KCNK2: variants seen among roughly 807,000 people sequenced by gnomAD.
KCNK2 encodes potassium channel subfamily K member 2.
Under a neutral mutation model 40.5 loss-of-function variants are expected in KCNK2, and 21 were observed. That is an observed-to-expected ratio of 0.52 (90% CI 0.37 to 0.75). The LOEUF is 0.75. Ranked by LOEUF, KCNK2 falls within the 30% of genes least tolerant of loss-of-function variation. KCNK2 has a pLI of 0.00. For missense variants in KCNK2, 399 were observed against 531.6 expected (o/e 0.75, Z 2.45); for synonymous variants, 191 against 202.2 (o/e 0.94, Z 0.47).
In KCNK2 at chr1:215,234,556, G is replaced by C. The variant is rs181353238; in HGVS notation, c.964-272G>C. ...CAAAAATTTCAATGACAGGATTCAT[G>C]TATAAAAAACAAGCACATGTAGAGC... On this transcript the variant is annotated intron_variant, in intron 6 of 6. Transcript: ENST00000444842. Among the ~76,000 whole-genome samples the C allele has an allele frequency of 8.9e-3, 964 of 108,230 alleles. 15 individuals are homozygous for C. The highest frequency in any genetic ancestry group is 0.024 in the African/African-American group (889 of 36,740). 71.0% of individuals were successfully genotyped at this position (108,230 alleles called of 152,430 possible). A position where few individuals can be genotyped will look rare whatever the true frequency, so the allele number is the denominator to read the frequency against.
At chr1:215,197,236 T>C (rs1284828006) in intron 6 of KCNK2, among the ~76,000 whole-genome samples, 1 of 152,236 alleles carries the variant, frequency 6.6e-6, no homozygotes, top group African/African-American at 2.4e-5. Flanking sequence ...AGAATTAGCA[T>C]ACTTTTCCAA....
At chr1:215,177,377 T>C (rs1257382512) in intron 5 of KCNK2, among the ~76,000 whole-genome samples, 1 of 152,126 alleles carries the variant, frequency 6.6e-6, no homozygotes. Context: ...TATTTGTCAA[T>C]TTTTGTTTTA....
At chr1:215,033,762 G>T (rs1657287712) in intron 1 of KCNK2, among the ~76,000 whole-genome samples, 2 of 152,080 alleles carry the variant, frequency 1.3e-5, no homozygotes, top group Admixed American at 1.3e-4. Context: ...GGTAGGCTGT[G>T]GTTAAATAAT....
intron 2 of KCNK2, among the ~76,000 whole-genome samples, chr1:215,093,343 C>A (rs1320426893): frequency 7.2e-6 from 1 of 139,550 alleles, no homozygotes; most frequent in Non-Finnish European, 1.5e-5. Context: ...ATTAAATATA[C>A]ATATATATAA....
chr1:215,081,589 T>A (rs1446678886), upstream of KCNK2, among the ~76,000 whole-genome samples: 1 of 152,130 alleles, frequency 6.6e-6, no homozygotes, highest in African/African-American at 2.4e-5. Flanking sequence ...CAAGCTTTTT[T>A]TCCCCTACAA....
At chr1:215,022,129 A>ATCTATCTATCTATCTATCTATCT (rs5780811) in intron 1 of KCNK2, among the ~76,000 whole-genome samples, 18,074 of 122,800 alleles carry the variant, frequency 0.15, 1,402 homozygotes, top group East Asian at 0.2. Context: ...CTATCTATCT[A>ATCTATCTATCTATCTATCTATCT]ATCATCTATC....
rs532768584 is a variant in KCNK2, at chr1:215,178,184, A to G, written c.823+6001A>G. Reference sequence around the variant, plus strand: ...GATATTGAATGTTATTGGTATACAAAATGCTACTGATTTTTGTACATTGAT... The same window carrying G: ...GATATTGAATGTTATTGGTATACAAGATGCTACTGATTTTTGTACATTGAT... On this transcript the variant is annotated intron_variant, in intron 5 of 6. Transcript: ENST00000444842. 1.8e-4 allele frequency among the ~76,000 whole-genome samples: 28 copies of G among 152,224 alleles called. No homozygotes were observed. The South Asian group carries it at 3.7e-3, about 20-fold the overall frequency.
At chr1:215,042,238 G>C (rs182164668) in intron 1 of KCNK2, among the ~76,000 whole-genome samples, 4 of 152,288 alleles carry the variant, frequency 2.6e-5, no homozygotes. Context: ...AAGGGCACAT[G>C]TACTGAGCAA....
chr1:215,027,664 G>A lies in KCNK2; in HGVS notation c.34+21709G>A, dbSNP rs1168292556. The stretch of plus-strand genomic sequence containing the variant: ...AAAATATTCACATGTACATTCCTCC[G>A]TGTGATTGATCTATTTCAATCATGT... On this transcript the variant is annotated intron_variant, in intron 1 of 6. Transcript: ENST00000391895. Among the ~76,000 whole-genome samples, 6 of 152,116 alleles carry A rather than the reference G, an allele frequency of 3.9e-5. No individual in the cohort carries two copies. The South Asian group carries it at 8.3e-4, about 21-fold the overall frequency.
intron 4 of KCNK2, 75 bp from the exon 5 acceptor site, chr1:215,171,917 TTTGTC>T: frequency 3.4e-6 from 3 of 888,608 alleles, no homozygotes; most frequent in Non-Finnish European, 4.7e-6. Context: ...TCTCTCTCTC[TTTGTC>T]TCTCTCTCTC....
intron 6 of KCNK2, among the ~76,000 whole-genome samples, chr1:215,218,606 C>G (rs575753736): frequency 6.6e-6 from 1 of 152,288 alleles, no homozygotes; most frequent in South Asian, 2.1e-4. Context: ...TTTTCAGTCT[C>G]TATACCACCA....
At chr1:215,208,335 A>G (rs1271690058) in intron 6 of KCNK2, among the ~76,000 whole-genome samples, 1 of 152,100 alleles carries the variant, frequency 6.6e-6, no homozygotes. Context: ...AGGAAACAAC[A>G]GACACTGGGG....
chr1:215,235,238 TGA>T lies in KCNK2; in HGVS notation c.*95_*96del. 1.8e-6 allele frequency: 2 copies of T among 1,098,278 alleles called. No homozygotes were observed. Among genetic ancestry groups the T allele is most frequent in the Non-Finnish European group, 2.6e-6 (2 of 764,230 alleles). 68.0% of individuals were successfully genotyped at this position (1,098,278 alleles called of 1,614,324 possible). On this transcript the variant is annotated 3_prime_UTR_variant, in exon 7 of 7. Coordinates refer to ENST00000444842, the MANE Select transcript of KCNK2 (RefSeq NM_001017425.3). ...CTGGTAGCATTTTTTAAATTGTGCA[TGA>T]GCTCAAAGGGGGAACAAAATAGATA...
chr1:215,067,062 A>G (rs964366980), intron 1 of KCNK2, among the ~76,000 whole-genome samples: 10 of 152,144 alleles, frequency 6.6e-5, no homozygotes, highest in African/African-American at 2.4e-4. Flanking sequence ...GAAAGAAAAA[A>G]ACGAACGGGG....
intron 3 of KCNK2, among the ~76,000 whole-genome samples, chr1:215,164,547 G>C (rs1663357149): frequency 6.6e-6 from 1 of 152,096 alleles, no homozygotes; most frequent in Admixed American, 6.6e-5. Flanking sequence ...TCTCCTGTGG[G>C]CATTTAGTGC....
chr1:215,155,414 G>A (rs1662872825), intron 3 of KCNK2, among the ~76,000 whole-genome samples: 1 of 151,702 alleles, frequency 6.6e-6, no homozygotes, highest in African/African-American at 2.4e-5. Flanking sequence ...TATTCCAGAT[G>A]GATTTTAGAA....
intron 1 of KCNK2, among the ~76,000 whole-genome samples, chr1:215,048,386 T>A (rs1329021338): frequency 6.6e-6 from 1 of 152,090 alleles, no homozygotes; most frequent in Non-Finnish European, 1.5e-5. Context: ...ACTCCAGTGG[T>A]GTGAGATTAA....
chr1:215,035,254 C>A (rs1259655370), intron 1 of KCNK2, among the ~76,000 whole-genome samples: 1 of 152,006 alleles, frequency 6.6e-6, no homozygotes, highest in Admixed American at 6.6e-5. Context: ...TCCTGTCAAC[C>A]CCTGACATCC....
chr1:215,140,381 C>T lies in KCNK2; in HGVS notation c.475+15631C>T, dbSNP rs541248651. Among the ~76,000 whole-genome samples the T allele has an allele frequency of 2.0e-4, 30 of 152,214 alleles. No homozygotes were observed. The South Asian group carries it at 4.8e-3, about 24-fold the overall frequency. ...CCATATACAGTCATGTGTCACTTAT[C>T]GACAGTGACATTTCCTGAAAAATGT... On this transcript the variant is annotated intron_variant, in intron 3 of 6. Coordinates refer to ENST00000444842, the MANE Select transcript of KCNK2 (RefSeq NM_001017425.3).
Sources: gnomAD v4.1 joint callset for allele counts (sites outside exome capture counted in the v4.1 genomes callset) on GRCh38, gnomAD v4.1.1 for gene constraint, MANE v1.5 for transcripts, NCBI Gene and HGNC (gene_info 2026-07-23, HGNC 2026-07-21) for gene names.